The following DST variants were observed in gnomAD, a reference collection of about 807,000 sequenced individuals.
The protein encoded by DST is dystonin.
Under a neutral mutation model 875.2 loss-of-function variants are expected in DST, and 253 were observed. That is an observed-to-expected ratio of 0.29 (90% CI 0.26 to 0.32). The LOEUF is 0.32. Among genes scored for constraint, DST ranks in the 10% least tolerant of loss-of-function variants. The pLI, the probability that DST is intolerant of heterozygous loss-of-function variation, is 1.00. For missense variants in DST, 8,287 were observed against 9,111.6 expected, an observed-to-expected ratio of 0.91 and a Z score of 3.68; for synonymous variants, 3,124 against 3,197.1, an observed-to-expected ratio of 0.98 and a Z score of 0.77.
Position 56,792,169 on chromosome 6 carries a change from TG to T in DST, c.626-56881del, listed in dbSNP as rs1216357358. 6.4e-4 allele frequency among the ~76,000 whole-genome samples: 97 copies of T among 152,028 alleles called. 3 individuals are homozygous for T. The East Asian group carries it at 8.3e-3, about 13-fold the overall frequency. The stretch of plus-strand genomic sequence containing the variant: ...GAATTCTAACACACTGAGGTTTTTT[TG>T]TTTTTTTTTTCTAAAGAGACAACAA... On this transcript the variant is annotated intron_variant, in intron 4 of 103. Coordinates refer to ENST00000680361, the MANE Select transcript of DST (RefSeq NM_001374736.1).
chr6:56,603,062 T>C (rs1489994074), intron 42 of DST, 31 bp from the exon 43 acceptor site: 1 of 1,551,350 alleles, frequency 6.4e-7, no homozygotes, highest in East Asian at 2.3e-5. Context: ...TTCAGTTATC[T>C]TTCCCCAAAA....
In DST at chr6:56,628,135, T is replaced by C. The variant is rs755458977; in HGVS notation, c.4502A>G (p.Lys1501Arg). ...NRLRDLEGIGKSLKYYRDTYH... is the reference protein window; with the variant it reads ...NRLRDLEGIGRSLKYYRDTYH... ...AGTGTCTCTGTAGTACTTCAGTGAT[T>C]TGCCAATGCCCTCTAAGTCCCGTAA... Residue 1501 changes from lysine (K) to arginine (R), a missense_variant, in exon 33 of 104, where the codon AAA becomes AGA. This residue lies in a region of DST where 3,138 missense variants were observed against 3,116.6 expected (regional missense o/e 1.01). Coordinates refer to ENST00000680361, the MANE Select transcript of DST (RefSeq NM_001374736.1). The C allele has an allele frequency of 2.5e-6, 4 of 1,613,904 alleles. No homozygotes were observed. The South Asian group carries it at 3.3e-5, about 13-fold the overall frequency.
chr6:56,772,562 C>G (rs1250280690), intron 4 of DST, among the ~76,000 whole-genome samples: 1 of 152,144 alleles, frequency 6.6e-6, no homozygotes, highest in Non-Finnish European at 1.5e-5. Context: ...CCCATATGAC[C>G]TTTAAAACTG....
At chr6:56,809,014 T>C (rs2153032898) in intron 4 of DST, among the ~76,000 whole-genome samples, 1 of 152,306 alleles carries the variant, frequency 6.6e-6, no homozygotes, top group South Asian at 2.1e-4. Context: ...CATGGTCATC[T>C]GTAATGTCAA....
chr6:56,576,919 T>A (rs1346327238), intron 50 of DST, among the ~76,000 whole-genome samples: 1 of 152,198 alleles, frequency 6.6e-6, no homozygotes, highest in Admixed American at 6.5e-5. Flanking sequence ...GCCGATGCTA[T>A]TTTTGTCATA....
intron 4 of DST, among the ~76,000 whole-genome samples, chr6:56,840,653 A>G (rs1375758094): frequency 6.6e-6 from 1 of 152,206 alleles, no homozygotes; most frequent in Non-Finnish European, 1.5e-5. Flanking sequence ...ACAAGATACA[A>G]GAATAGACTG....
rs35827109 is a variant in DST at position 56,858,144 on chromosome 6, A to T, written c.418-6540T>A. On this transcript the variant is annotated intron_variant, in intron 3 of 103. Transcript: ENST00000680361. ...CTCTCACTCTCTTCTGTTAGGGGAG[A>T]TATGCAGGAACCCTTAACTCCAAGA... 5.4e-3 allele frequency among the ~76,000 whole-genome samples: 825 copies of T among 152,184 alleles called. 3 individuals are homozygous for T. Among genetic ancestry groups the T allele is most frequent in the Non-Finnish European group, 9.3e-3 (630 of 68,016 alleles).
chr6:56,478,467 CAA>C (rs2095286919), intron 90 of DST, among the ~76,000 whole-genome samples: 2 of 152,170 alleles, frequency 1.3e-5, no homozygotes, highest in Admixed American at 6.5e-5. Flanking sequence ...GCGGAATGAA[CAA>C]AGCCTTGACA....
At chr6:56,616,735 G>T in intron 36 of DST, 1 of 1,614,194 alleles carries the variant, frequency 6.2e-7, no homozygotes, top group Non-Finnish European at 8.5e-7. Context: ...GGGCTTCCAA[G>T]ATATGTTTAC....
intron 36 of DST, chr6:56,617,850 CATT>C (rs1170149891): frequency 1.4e-6 from 1 of 731,954 alleles, no homozygotes; most frequent in Non-Finnish European, 2.4e-6. Flanking sequence ...AAGAGTATAG[CATT>C]ATTTTCCTGT....
intron 86 of DST, among the ~76,000 whole-genome samples, chr6:56,488,534 A>T (rs938031556): frequency 1.3e-5 from 2 of 152,182 alleles, no homozygotes; most frequent in Non-Finnish European, 2.9e-5. Context: ...CAGGGAACAG[A>T]TGCTCAATAT....
chr6:56,578,406 AT>A (rs1347969870), intron 50 of DST, among the ~76,000 whole-genome samples: 4 of 151,980 alleles, frequency 2.6e-5, no homozygotes, highest in Non-Finnish European at 5.9e-5. Flanking sequence ...AATTAAGCAC[AT>A]TTCTCAACCT....
intron 100 of DST, 161 bp downstream of exon 100, chr6:56,464,524 T>C (rs1003302643): frequency 1.6e-6 from 1 of 619,668 alleles, no homozygotes; most frequent in African/African-American, 1.8e-5. Context: ...AGTCATCAAA[T>C]TTTCAGAATT....
At position 56,557,479 on chromosome 6, in the gene DST, C is replaced by T; in HGVS notation, c.14480G>A (p.Arg4827Lys). 1.2e-6 allele frequency: 2 copies of T among 1,613,354 alleles called. No individual in the cohort carries two copies. Among genetic ancestry groups the T allele is most frequent in the Non-Finnish European group, 1.7e-6 (2 of 1,179,534 alleles). The change falls in exon 59 of 104, where the codon AGA becomes AAA. Residue 4827 changes from arginine to lysine, a missense_variant. Coordinates refer to ENST00000680361, the MANE Select transcript of DST (RefSeq NM_001374736.1). ...WQELNQLTID[R>K]QQKLEESSNN... ...GGAGGATTCTTCCAGTTTTTGTTGT[C>T]TATCAATTGTTAATTGATTGAGTTC...
chr6:56,938,018 A>G (rs1274668087), intron 2 of DST, among the ~76,000 whole-genome samples: 1 of 151,948 alleles, frequency 6.6e-6, no homozygotes, highest in Non-Finnish European at 1.5e-5. Flanking sequence ...GCAAACAGGC[A>G]TGAGAAATCT....
intron 36 of DST, chr6:56,617,252 T>C (rs1159889486): frequency 6.2e-7 from 1 of 1,609,908 alleles, no homozygotes; most frequent in East Asian, 2.2e-5. Flanking sequence ...ATCAAAGTTC[T>C]GGAAGGTCTC....
intron 2 of DST, among the ~76,000 whole-genome samples, chr6:56,925,767 A>G (rs887886017): frequency 6.6e-6 from 1 of 152,180 alleles, no homozygotes; most frequent in Non-Finnish European, 1.5e-5. Flanking sequence ...AACCCCCTCA[A>G]TTTAATCCTC....
intron 12 of DST, among the ~76,000 whole-genome samples, chr6:56,650,268 C>T (rs924318332): frequency 5.2e-5 from 7 of 135,168 alleles, no homozygotes; most frequent in African/African-American, 2.0e-4. Context: ...ATATGTGACA[C>T]ATACTGGGCT....
chr6:56,642,742 C>A (rs2098918877), intron 15 of DST: 3 of 1,614,116 alleles, frequency 1.9e-6, no homozygotes, highest in Non-Finnish European at 2.5e-6. Context: ...GGTAGTGTTA[C>A]TAAACACAGA....
Sources: gnomAD v4.1 joint callset for allele counts (sites outside exome capture counted in the v4.1 genomes callset) on GRCh38, gnomAD v4.1.1 for gene constraint, gnomAD v4.1.1 regional missense constraint, MANE v1.5 for transcripts, NCBI Gene and HGNC (gene_info 2026-07-23, HGNC 2026-07-21) for gene names.